Variants in POR observed in about 807,000 individuals in gnomAD.
POR encodes NADPH--cytochrome P450 reductase.
A neutral mutation model predicts 84.0 loss-of-function variants in POR; 56 were observed. The ratio of observed to expected loss-of-function variants is 0.67; its 90% CI spans 0.54 to 0.83. POR has a LOEUF of 0.83. Among genes scored for constraint, POR ranks in the 40% least tolerant of loss-of-function variants. The pLI is 0.00. For synonymous variants in POR, 414 were observed against 400.5 expected (o/e 1.03, Z -0.40); for missense variants, 938 against 944.3 (o/e 0.99, Z 0.09).
intron 2 of POR, among the ~76,000 whole-genome samples, chr7:75,958,279 G>A (rs1787772176): frequency 6.6e-6 from 1 of 152,038 alleles, no homozygotes. Flanking sequence ...ACCACCCTTG[G>A]CTAATTTTTA....
intron 2 of POR, among the ~76,000 whole-genome samples, chr7:75,957,818 T>C (rs1267716021): frequency 6.6e-6 from 1 of 152,212 alleles, no homozygotes. Flanking sequence ...TAAATCACAC[T>C]GGATGCCTGC....
intron 3 of POR, 61 bp from the exon 4 acceptor site, chr7:75,979,390 G>T: frequency 6.3e-7 from 1 of 1,584,254 alleles, no homozygotes; most frequent in Non-Finnish European, 8.6e-7. Flanking sequence ...CCCAGTGGGT[G>T]TTCACCGGAG....
At chr7:75,966,267 G>T (rs1308731176) in intron 2 of POR, among the ~76,000 whole-genome samples, 1 of 152,150 alleles carries the variant, frequency 6.6e-6, no homozygotes, top group Non-Finnish European at 1.5e-5. Context: ...GTCTCCAGCA[G>T]CTGCCCTCCC....
At position 75,952,482 on chromosome 7, in the gene POR, G is replaced by A. The variant is rs1470173092; in HGVS notation, c.-4-1507G>A. 4.6e-5 allele frequency among the ~76,000 whole-genome samples: 7 copies of A among 151,218 alleles called. No individual in the cohort carries two copies. In the East Asian group the frequency reaches 7.8e-4, roughly 17 times the overall value. ...GGGGGCTGACCCCCACCTCCCTCCC[G>A]GACGGGGTGGCTGCTGGGCGGAGAC... On this transcript the variant is annotated intron_variant, in intron 1 of 15. Transcript: ENST00000461988.
chr7:75,915,941 G>A (rs1467618716), intron 1 of POR, among the ~76,000 whole-genome samples: 1 of 152,204 alleles, frequency 6.6e-6, no homozygotes, highest in Non-Finnish European at 1.5e-5. Flanking sequence ...GTAAACTGGT[G>A]ACCACTAATA....
Position 75,979,364 on chromosome 7 carries a change from CCGCCTGCCA to C in POR, c.238-86_238-78del. The C allele has an allele frequency of 3.9e-6, 6 of 1,520,728 alleles. No individual in the cohort carries two copies. The South Asian group carries it at 7.2e-5, about 18-fold the overall frequency. The allele number at this position is 1,520,728 out of a possible 1,614,324, so 94.2% of individuals were successfully genotyped here. ...GGAAAGGGGGCGGCCTGGAGGGCCC[CCGCCTGCCA>C]GGCCTGCCCAGTGGGTGTTCACCGG... On this transcript the variant is annotated intron_variant, in intron 3 of 15. Coordinates refer to ENST00000461988, the MANE Select transcript of POR (RefSeq NM_000941.3).
Position 75,986,520 on chromosome 7 carries a change from G to C in POR, c.*39G>C. On this transcript the variant is annotated 3_prime_UTR_variant, in exon 16 of 16. Transcript: ENST00000461988. ...CCACCCACCCCACAGACTCCGGCCT[G>C]TAATCAGCTCTCCTGGCTCCCTCCC... The C allele has an allele frequency of 6.3e-7, 1 of 1,593,720 alleles. No homozygotes were observed. The highest frequency in any genetic ancestry group is 8.5e-7 in the Non-Finnish European group (1 of 1,175,430).
chr7:75,943,402 G>C (rs1282396807), intron 1 of POR, among the ~76,000 whole-genome samples: 2 of 152,158 alleles, frequency 1.3e-5, no homozygotes, highest in African/African-American at 4.8e-5. Context: ...CTGTATGGTA[G>C]GCCAGTTAGG....
intron 1 of POR, among the ~76,000 whole-genome samples, chr7:75,944,893 A>C (rs1374307342): frequency 2.0e-5 from 3 of 152,162 alleles, no homozygotes; most frequent in Non-Finnish European, 4.4e-5. Context: ...AAATGAACAG[A>C]GCCTCAGGAT....
In POR at chr7:75,922,616, G is replaced by C. The variant is rs535671421; in HGVS notation, c.-5+7437G>C. 7.8e-5 allele frequency: 15 copies of C among 193,432 alleles called. No individual in the cohort carries two copies. The South Asian group carries it at 1.2e-3, about 16-fold the overall frequency. The allele number at this position is 193,432 out of a possible 1,614,324, so 12.0% of individuals were successfully genotyped here. A position where few individuals can be genotyped will look rare whatever the true frequency, so the allele number is the denominator to read the frequency against. On this transcript the variant is annotated intron_variant, in intron 1 of 15. Coordinates refer to ENST00000461988, the MANE Select transcript of POR (RefSeq NM_000941.3). ...TGGGATTACAGGCGTGAGCCACTGC[G>C]CCTGGCCTGGTCTGTACTTCTGAAG... is the stretch of plus-strand genomic sequence containing the variant.
intron 4 of POR, 159 bp downstream of exon 4, chr7:75,979,738 C>T: frequency 1.0e-6 from 1 of 992,536 alleles, no homozygotes; most frequent in Non-Finnish European, 1.4e-6. Context: ...GCCATCCCTG[C>T]CCGGGCTGAC....
At chr7:75,926,800 A>AAAAAAC (rs1206955622) in intron 1 of POR, among the ~76,000 whole-genome samples, 2 of 152,164 alleles carry the variant, frequency 1.3e-5, no homozygotes, top group Non-Finnish European at 2.9e-5. Context: ...CTCTGTCTCA[A>AAAAAAC]AAAAACAAAA....
At position 75,980,376 on chromosome 7, in the gene POR, T is replaced by G. The variant is rs1788944663; in HGVS notation, c.404T>G (p.Leu135Arg). The stretch of plus-strand genomic sequence containing the variant: ...AGCCTGCCAGAGATCGACAACGCCC[T>G]GGTGGTTTTCTGCATGGCCACCTAC... The change falls in exon 5 of 16, where the codon CTG becomes CGG. Residue 135 changes from leucine (L) to arginine (R), a missense_variant. Coordinates refer to ENST00000461988, the MANE Select transcript of POR (RefSeq NM_000941.3). 1.2e-6 allele frequency: 2 copies of G among 1,613,076 alleles called. No homozygotes were observed. The highest frequency in any genetic ancestry group is 1.3e-5 in the African/African-American group (1 of 74,924).
intron 2 of POR, among the ~76,000 whole-genome samples, chr7:75,954,846 T>C (rs1366380022): frequency 6.6e-6 from 1 of 152,038 alleles, no homozygotes; most frequent in African/African-American, 2.4e-5. Context: ...TAGCTTGGAT[T>C]ACAGGTGCCC....
rs200575911 is a variant in POR, at chr7:75,933,376, G to GTTTTTTT, written c.-5+18221_-5+18227dup. On this transcript the variant is annotated intron_variant, in intron 1 of 15. Transcript: ENST00000461988. ...TCACCATGTTATACAATAGGTCTTT[G>GTTTTTTT]TTTTTTTTTTTTTTTTTTTTTTTTT... Among the ~76,000 whole-genome samples the GTTTTTTT allele has an allele frequency of 2.7e-3, 252 of 92,104 alleles. 5 individuals are homozygous for GTTTTTTT. Among genetic ancestry groups the GTTTTTTT allele is most frequent in the Non-Finnish European group, 4.5e-3 (182 of 40,456 alleles). The allele number at this position is 92,104 out of a possible 152,430, so 60.4% of individuals were successfully genotyped here. A position where few individuals can be genotyped will look rare whatever the true frequency, so the allele number is the denominator to read the frequency against.
At chr7:75,924,376 A>G (rs1419878574) in intron 1 of POR, among the ~76,000 whole-genome samples, 1 of 152,176 alleles carries the variant, frequency 6.6e-6, no homozygotes, top group East Asian at 1.9e-4. Context: ...ACATGAATAA[A>G]TTTGTTTATT....
At chr7:75,982,572 C>T (rs891268197) in intron 8 of POR, among the ~76,000 whole-genome samples, 3 of 152,240 alleles carry the variant, frequency 2.0e-5, no homozygotes, top group Non-Finnish European at 2.9e-5. Context: ...TCCCACTTCT[C>T]GACTAGGACA....
intron 3 of POR, chr7:75,972,878 A>G (rs1788503170): frequency 3.8e-6 from 1 of 262,842 alleles, no homozygotes; most frequent in Admixed American, 4.9e-5. Context: ...GCTGGAGTGC[A>G]GTGGCGCAAT....
intron 2 of POR, among the ~76,000 whole-genome samples, chr7:75,959,245 C>T (rs1330969904): frequency 2.0e-5 from 3 of 152,124 alleles, no homozygotes; most frequent in African/African-American, 7.2e-5. Flanking sequence ...AGAAAGGTCA[C>T]CTAGCTGATA....
Sources: allele counts gnomAD v4.1 joint callset (sites outside exome capture counted in the v4.1 genomes callset), GRCh38; gene constraint gnomAD v4.1.1; transcripts MANE v1.5; gene names NCBI Gene and HGNC (gene_info 2026-07-23, HGNC 2026-07-21).